Variants in BTG3 observed in about 807,000 individuals in gnomAD.
BTG3 encodes the protein protein BTG3.
In BTG3, 4 loss-of-function variants were observed where a neutral mutation model predicts 25.8. That is an observed-to-expected ratio of 0.16 (90% CI 0.08 to 0.36). The LOEUF (loss-of-function observed/expected upper bound fraction) is 0.36. Ranked by LOEUF, BTG3 falls within the 10% of genes least tolerant of loss-of-function variation. The probability of loss-of-function intolerance (pLI) is 1.00; values close to 1 mark genes in which losing one functional copy is unlikely to be tolerated. For synonymous variants in BTG3, 107 were observed against 99.9 expected (o/e 1.07, Z -0.42); for missense variants, 201 against 304.9 (o/e 0.66, Z 2.54).
intron 1 of BTG3, among the ~76,000 whole-genome samples, chr21:17,610,557 T>C (rs904446801): frequency 2.6e-5 from 4 of 152,168 alleles, no homozygotes; most frequent in African/African-American, 9.7e-5. Flanking sequence ...ACTTTAAAAA[T>C]GGTATATCTG....
intron 3 of BTG3, among the ~76,000 whole-genome samples, chr21:17,602,302 C>T (rs1317596390): frequency 6.6e-6 from 1 of 152,208 alleles, no homozygotes; most frequent in Non-Finnish European, 1.5e-5. Flanking sequence ...TGTACTCTTG[C>T]AGCATTTTAT....
intron 3 of BTG3, among the ~76,000 whole-genome samples, chr21:17,602,473 CTA>C (rs1353323095): frequency 1.3e-5 from 2 of 152,112 alleles, no homozygotes; most frequent in African/African-American, 2.4e-5. Flanking sequence ...TTCAAAATAT[CTA>C]TGTTTCCAGT....
rs551004733 is a variant in BTG3, at chr21:17,606,093, TAATATTAACA to T, written c.174-1106_174-1097del. ...AATAGGAATAAGTGTTTCTACATAATAATATTAACAATAATAAGCATTTTAAAAAATTTAT... is the reference window on the plus strand; with the variant it reads ...AATAGGAATAAGTGTTTCTACATAATATAATAAGCATTTTAAAAAATTTAT... On this transcript the variant is annotated intron_variant, in intron 2 of 4. Transcript: ENST00000348354. Among the ~76,000 whole-genome samples the T allele has an allele frequency of 6.1e-4, 93 of 152,186 alleles. 1 individual carries two copies. The highest frequency in any genetic ancestry group is 1.2e-3 in the Admixed American group (19 of 15,280).
intron 3 of BTG3, among the ~76,000 whole-genome samples, chr21:17,599,623 G>A (rs1477520721): frequency 1.3e-5 from 2 of 152,064 alleles, no homozygotes; most frequent in Non-Finnish European, 2.9e-5. Flanking sequence ...GGGATTACAG[G>A]TGCCCACCAC....
At chr21:17,612,354 G>T (rs1020828753) in intron 1 of BTG3, 1 of 152,248 alleles carries the variant, frequency 6.6e-6, no homozygotes, top group African/African-American at 2.4e-5. Flanking sequence ...ACACCGACGC[G>T]AAGGGGGTGG....
chr21:17,601,710 T>C (rs186751410), intron 3 of BTG3, among the ~76,000 whole-genome samples: 378 of 152,316 alleles, frequency 2.5e-3, no homozygotes, highest in African/African-American at 8.5e-3. Flanking sequence ...ATTCATGTGT[T>C]AATGACACTA....
At chr21:17,608,907 T>C (rs2061682188) in intron 2 of BTG3, 65 bp downstream of exon 2, 2 of 1,491,272 alleles carry the variant, frequency 1.3e-6, no homozygotes, top group Non-Finnish European at 1.8e-6. Flanking sequence ...CACCCTTCAA[T>C]CATCCGGCCT....
Position 17,608,940 on chromosome 21 carries a change from C to A in BTG3, c.173+32G>T, listed in dbSNP as rs372473598. 2.5e-6 allele frequency: 4 copies of A among 1,590,556 alleles called. No individual in the cohort carries two copies. In the Admixed American group the frequency reaches 7.2e-5, roughly 29 times the overall value. On this transcript the variant is annotated intron_variant, in intron 2 of 4. Transcript: ENST00000348354. ...CCTTGAACCCACCTCAGGGGTTGAT[C>A]AGCCTCTGCTTAATCCAATCTAATC...
rs972463809 is a variant in BTG3, at chr21:17,597,377, A to C, written c.519+1240T>G. On this transcript the variant is annotated intron_variant, in intron 4 of 4. Transcript: ENST00000348354. ...ATACCTAATTTGCAATATATAATCC[A>C]TCACACAGAGAAAAAAAATGCCTCA... Among the ~76,000 whole-genome samples, 3 of 152,034 alleles carry C rather than the reference A, an allele frequency of 2.0e-5. No individual in the cohort carries two copies. In the East Asian group the frequency reaches 5.8e-4, roughly 29 times the overall value.
chr21:17,596,705 T>C (rs1244686170), intron 4 of BTG3, among the ~76,000 whole-genome samples: 2 of 152,064 alleles, frequency 1.3e-5, no homozygotes, highest in Non-Finnish European at 2.9e-5. Flanking sequence ...TAGCTTTGAA[T>C]TAGTGTGAGC....
chr21:17,611,076 C>CACGT (rs1259688306), intron 1 of BTG3, among the ~76,000 whole-genome samples: 7 of 152,318 alleles, frequency 4.6e-5, no homozygotes, highest in Admixed American at 4.6e-4. Context: ...CACGAGTGTA[C>CACGT]ACGTATACAT....
chr21:17,607,085 T>C (rs781739280), intron 2 of BTG3, among the ~76,000 whole-genome samples: 33 of 152,228 alleles, frequency 2.2e-4, no homozygotes, highest in Admixed American at 7.2e-4. Flanking sequence ...ATTTTTATAA[T>C]AGTAACAACC....
intron 1 of BTG3, 134 bp downstream of exon 1, chr21:17,612,565 C>A (rs951319425): frequency 4.6e-5 from 7 of 152,188 alleles, no homozygotes; most frequent in African/African-American, 1.7e-4. Flanking sequence ...CTGGTTCCAT[C>A]CCCTGCCCCT....
chr21:17,604,880 G>A lies in BTG3; in HGVS notation c.291C>T (p.Asp97=), dbSNP rs1433558931. Residue 97 remains aspartate (D), a synonymous_variant, in exon 3 of 5, where the codon GAC becomes GAT. Transcript: ENST00000348354. ...CTCACCGACAGCACACCTCACATGG[G>A]TCCACCCAGAGAGTGAGCTCCTTTG... The part of the protein sequence containing the change: ...GLPKELTLWV[D]PCEVCCRYGE... 3.1e-6 allele frequency: 5 copies of A among 1,614,038 alleles called. No homozygotes were observed. The highest frequency in any genetic ancestry group is 4.2e-6 in the Non-Finnish European group (5 of 1,179,990).
intron 3 of BTG3, among the ~76,000 whole-genome samples, chr21:17,600,218 G>A (rs1340103272): frequency 6.6e-6 from 1 of 151,988 alleles, no homozygotes; most frequent in Non-Finnish European, 1.5e-5. Flanking sequence ...AGTGGACATA[G>A]GAGAAATCCA....
chr21:17,608,137 G>C (rs2061669556), intron 2 of BTG3, among the ~76,000 whole-genome samples: 1 of 152,168 alleles, frequency 6.6e-6, no homozygotes, highest in Non-Finnish European at 1.5e-5. Flanking sequence ...GAGGCAAAGG[G>C]AGAAGATCGC....
At chr21:17,603,423 A>G (rs2061598647) in intron 3 of BTG3, among the ~76,000 whole-genome samples, 1 of 152,218 alleles carries the variant, frequency 6.6e-6, no homozygotes, top group Non-Finnish European at 1.5e-5. Flanking sequence ...ATAAACTTAC[A>G]CCAACCACTG....
At chr21:17,608,775 C>T (rs2061680470) in intron 2 of BTG3, 197 bp downstream of exon 2, 3 of 491,934 alleles carry the variant, frequency 6.1e-6, no homozygotes, top group Admixed American at 3.9e-5. Context: ...CTCCTGTGTC[C>T]AGGCAGTGGG....
rs143649862 is a variant in BTG3 at position 17,595,375 on chromosome 21, CTG to C, written c.520-1045_520-1044del. Among the ~76,000 whole-genome samples the C allele has an allele frequency of 6.3e-3, 962 of 151,982 alleles. 57 individuals carry two copies. The East Asian group carries it at 0.13, about 21-fold the overall frequency. Reference sequence around the variant, plus strand: ...AATTCAAAAAGTACAAAAGGGTAAACTGTGGAAAGTCCCTCTTTTTTTATCTC... The same window carrying C: ...AATTCAAAAAGTACAAAAGGGTAAACTGGAAAGTCCCTCTTTTTTTATCTC... On this transcript the variant is annotated intron_variant, in intron 4 of 4. Transcript: ENST00000348354.
Sources: allele counts gnomAD v4.1 joint callset (sites outside exome capture counted in the v4.1 genomes callset), GRCh38; gene constraint gnomAD v4.1.1; transcripts MANE v1.5; gene names NCBI Gene and HGNC (gene_info 2026-07-23, HGNC 2026-07-21).